CDH23: variants seen among roughly 807,000 people sequenced by gnomAD.
CDH23 encodes the protein cadherin related 23, also known as cadherin-23.
Under a neutral mutation model 317.1 loss-of-function variants are expected in CDH23, and 189 were observed. The observed-to-expected ratio is 0.60, with a 90% CI of 0.53 to 0.67. CDH23 has a LOEUF of 0.67. Ranked by LOEUF, CDH23 falls within the 30% of genes least tolerant of loss-of-function variation. CDH23 has a pLI of 0.00. For missense variants in CDH23, 4,401 were observed against 4,592.4 expected (o/e 0.96, Z 1.20); for synonymous variants, 1,839 against 1,876.8 (o/e 0.98, Z 0.52).
intron 11 of CDH23, among the ~76,000 whole-genome samples, chr10:71,620,357 A>G (rs1861405230): frequency 6.6e-6 from 1 of 152,152 alleles, no homozygotes; most frequent in Non-Finnish European, 1.5e-5. Context: ...GTCATCATTC[A>G]GGAGCCGCAG....
intron 6 of CDH23, among the ~76,000 whole-genome samples, chr10:71,536,958 G>A (rs1355665983): frequency 6.6e-6 from 1 of 152,130 alleles, no homozygotes; most frequent in African/African-American, 2.4e-5. Flanking sequence ...TATAAAACTG[G>A]AATGAGAGGC....
At chr10:71,472,324 C>G (rs1467948558) in intron 3 of CDH23, among the ~76,000 whole-genome samples, 1 of 152,194 alleles carries the variant, frequency 6.6e-6, no homozygotes. Context: ...CACCTCCTCC[C>G]TTGTCCCTCC....
chr10:71,805,212 G>A (rs1359152682), intron 55 of CDH23, among the ~76,000 whole-genome samples: 3 of 152,184 alleles, frequency 2.0e-5, no homozygotes, highest in Non-Finnish European at 4.4e-5. Context: ...GCTCAACAGC[G>A]TTCAGGAGAC....
At chr10:71,667,371 T>G in intron 14 of CDH23, among the ~76,000 whole-genome samples, 1 of 145,420 alleles carries the variant, frequency 6.9e-6, no homozygotes, top group Non-Finnish European at 1.5e-5. Flanking sequence ...TGTGTGTGTG[T>G]GTGTGTGTGT....
chr10:71,456,355 G>C lies in CDH23; in HGVS notation c.145+9960G>C, dbSNP rs147498829. Among the ~76,000 whole-genome samples the C allele has an allele frequency of 4.7e-3, 712 of 151,966 alleles. 5 individuals are homozygous for C. The highest frequency in any genetic ancestry group is 0.016 in the African/African-American group (680 of 41,408). ...CCCAGGAGGGCTTGGGTGCTTCTGC[G>C]TCCTTGCTTCCTCTCTGCCATTATC... On this transcript the variant is annotated intron_variant, in intron 3 of 69. Transcript: ENST00000224721.
chr10:71,458,081 C>T (rs949868305), intron 3 of CDH23, among the ~76,000 whole-genome samples: 3 of 152,218 alleles, frequency 2.0e-5, no homozygotes, highest in Non-Finnish European at 2.9e-5. Context: ...AGCTGAATAC[C>T]CTCCAGCTGG....
chr10:71,742,962 G>T (rs747450095), intron 38 of CDH23, among the ~76,000 whole-genome samples: 2 of 152,154 alleles, frequency 1.3e-5, no homozygotes, highest in South Asian at 4.1e-4. Flanking sequence ...GGGTTGGCTC[G>T]CCAGCAGCTG....
chr10:71,515,082 G>T (rs1854212174), intron 6 of CDH23, among the ~76,000 whole-genome samples: 1 of 152,200 alleles, frequency 6.6e-6, no homozygotes, highest in Non-Finnish European at 1.5e-5. Context: ...GTGCTGGGGT[G>T]TTTAGGCAGG....
chr10:71,665,883 A>G (rs1385674375), intron 14 of CDH23, among the ~76,000 whole-genome samples: 1 of 152,214 alleles, frequency 6.6e-6, no homozygotes, highest in Admixed American at 6.5e-5. Context: ...CTCACTCTCA[A>G]GGAGCAGAGA....
chr10:71,712,844 G>T, intron 28 of CDH23, 31 bp downstream of exon 28: 3 of 1,603,446 alleles, frequency 1.9e-6, no homozygotes, highest in Non-Finnish European at 2.6e-6. Flanking sequence ...GGGGCAGGTG[G>T]TGGGCTGGGG....
At chr10:71,698,284 A>G (rs927397746) in intron 22 of CDH23, among the ~76,000 whole-genome samples, 1 of 152,220 alleles carries the variant, frequency 6.6e-6, no homozygotes, top group African/African-American at 2.4e-5. Context: ...TAAAATGTAT[A>G]TATGCATACA....
intron 1 of CDH23, among the ~76,000 whole-genome samples, chr10:71,404,021 G>A (rs1006736881): frequency 5.3e-5 from 8 of 152,204 alleles, no homozygotes; most frequent in African/African-American, 1.9e-4. Context: ...CAACCCGGGA[G>A]GCAGAGGTTG....
intron 6 of CDH23, among the ~76,000 whole-genome samples, chr10:71,532,711 GTTTTTTTTTTTTTTTGTTTTTTT>G (rs1302196155): frequency 7.8e-6 from 1 of 128,100 alleles, no homozygotes; most frequent in Non-Finnish European, 1.8e-5. Flanking sequence ...TTTTGTTTTT[GTTTTTTTTTTTTTTTGTTTTTTT>G]TTTTTTTTTT....
At chr10:71,704,706 C>T (rs1038077261) in intron 24 of CDH23, among the ~76,000 whole-genome samples, 4 of 152,194 alleles carry the variant, frequency 2.6e-5, no homozygotes, top group East Asian at 1.9e-4. Context: ...TGCATCTGGA[C>T]GCCTTTCAGC....
chr10:71,798,866 G>A (rs1417571147), intron 50 of CDH23, among the ~76,000 whole-genome samples: 1 of 152,216 alleles, frequency 6.6e-6, no homozygotes, highest in Admixed American at 6.5e-5. Context: ...AGAAGGAGGT[G>A]TCTCAGGTCC....
At chr10:71,779,099 C>T (rs1840887583) in intron 40 of CDH23, among the ~76,000 whole-genome samples, 168 bp from the exon 41 acceptor site, 2 of 152,204 alleles carry the variant, frequency 1.3e-5, no homozygotes, top group Non-Finnish European at 2.9e-5. Context: ...AATGATAACT[C>T]ATCCACATGC....
At chr10:71,448,410 G>C (rs1195869873) in intron 3 of CDH23, among the ~76,000 whole-genome samples, 5 of 152,264 alleles carry the variant, frequency 3.3e-5, no homozygotes, top group African/African-American at 1.2e-4. Flanking sequence ...CAGGGTGGCT[G>C]TCTAGTGCCA....
Position 71,800,626 on chromosome 10 carries a change from C to G in CDH23, c.7363-10C>G. 1 of 1,613,490 alleles carries G rather than the reference C, an allele frequency of 6.2e-7. No homozygotes were observed. The highest frequency in any genetic ancestry group is 8.5e-7 in the Non-Finnish European group (1 of 1,179,678). ...GATTGAAGGACCTAAAGCCACCCTC[C>G]CCCTACTAGGGTGACATCTATGTGC... On this transcript the variant is annotated splice_polypyrimidine_tract_variant and intron_variant, in intron 52 of 69. Transcript: ENST00000224721.
intron 38 of CDH23, among the ~76,000 whole-genome samples, chr10:71,775,350 C>T (rs1158268701): frequency 2.6e-5 from 4 of 152,132 alleles, no homozygotes; most frequent in African/African-American, 9.7e-5. Context: ...GCCTAGCAGC[C>T]GGGGAGGGCC....
Sources: allele counts gnomAD v4.1 joint callset (sites outside exome capture counted in the v4.1 genomes callset), GRCh38; gene constraint gnomAD v4.1.1; transcripts MANE v1.5; gene names NCBI Gene and HGNC (gene_info 2026-07-23, HGNC 2026-07-21).